KCNB2: variants seen among roughly 807,000 people sequenced by gnomAD.
KCNB2 encodes potassium voltage-gated channel subfamily B member 2, also known as delayed rectifier potassium channel protein.
KCNB2 carries 15 observed loss-of-function variants against 61.5 expected under a neutral mutation model. That is an observed-to-expected ratio of 0.24 (90% CI 0.16 to 0.38). The LOEUF (loss-of-function observed/expected upper bound fraction) is 0.38, where lower values mean the gene tolerates loss of function less well. Among genes scored for constraint, KCNB2 ranks in the 10% least tolerant of loss-of-function variants. KCNB2 has a pLI of 1.00. For synonymous variants in KCNB2, 457 were observed against 446.0 expected (o/e 1.02, Z -0.31); for missense variants, 828 against 1,125.2 (o/e 0.74, Z 3.78).
At chr8:72,650,801 G>A (rs1806199793) in intron 2 of KCNB2, among the ~76,000 whole-genome samples, 1 of 152,142 alleles carries the variant, frequency 6.6e-6, no homozygotes, top group Non-Finnish European at 1.5e-5. Flanking sequence ...TGCTTTCAAT[G>A]TCTGTAAGCT....
At chr8:72,572,490 A>T (rs1392829738) in intron 2 of KCNB2, among the ~76,000 whole-genome samples, 5 of 151,902 alleles carry the variant, frequency 3.3e-5, no homozygotes, top group Non-Finnish European at 5.9e-5. Flanking sequence ...CAATTTCCTC[A>T]TTAATCTGTA....
chr8:72,868,409 C>T (rs1805566052), intron 2 of KCNB2, among the ~76,000 whole-genome samples: 1 of 151,736 alleles, frequency 6.6e-6, no homozygotes, highest in South Asian at 2.1e-4. Flanking sequence ...GAAACCCCGT[C>T]TCTACTAAAA....
intron 2 of KCNB2, among the ~76,000 whole-genome samples, chr8:72,694,584 G>T (rs79195539): frequency 0.015 from 2,217 of 152,152 alleles, 55 homozygotes; most frequent in African/African-American, 0.049. Flanking sequence ...TTTTTAAAAA[G>T]TGTTCTCATA....
At chr8:72,539,114 T>C (rs1176698933) in intron 1 of KCNB2, among the ~76,000 whole-genome samples, 1 of 152,158 alleles carries the variant, frequency 6.6e-6, no homozygotes, top group Non-Finnish European at 1.5e-5. Context: ...TGTCCAAAGC[T>C]TAACGTAATA....
chr8:72,540,470 G>A (rs1806172761), intron 1 of KCNB2, among the ~76,000 whole-genome samples: 2 of 152,040 alleles, frequency 1.3e-5, no homozygotes, highest in African/African-American at 4.8e-5. Context: ...GGCATTATGT[G>A]TGATTTCTTT....
At chr8:72,743,338 A>G (rs1807998260) in intron 2 of KCNB2, among the ~76,000 whole-genome samples, 1 of 152,222 alleles carries the variant, frequency 6.6e-6, no homozygotes, top group South Asian at 2.1e-4. Flanking sequence ...TATGGCCCAG[A>G]GAGAAAACAC....
chr8:72,810,567 G>C (rs10957619), intron 2 of KCNB2, among the ~76,000 whole-genome samples: 2 of 151,982 alleles, frequency 1.3e-5, no homozygotes, highest in African/African-American at 4.8e-5. Flanking sequence ...TTCACTGCCA[G>C]TGTCCTTAAG....
intron 2 of KCNB2, among the ~76,000 whole-genome samples, chr8:72,616,874 G>C (rs1379854742): frequency 6.6e-6 from 1 of 152,178 alleles, no homozygotes; most frequent in Non-Finnish European, 1.5e-5. Context: ...TCTGTATTCT[G>C]TCCTTTGCCT....
At chr8:72,852,775 G>A (rs961386653) in intron 2 of KCNB2, among the ~76,000 whole-genome samples, 1 of 152,170 alleles carries the variant, frequency 6.6e-6, no homozygotes, top group Non-Finnish European at 1.5e-5. Context: ...CATTTTAGAA[G>A]TTTATAAAGT....
At chr8:72,775,010 A>T (rs914961327) in intron 2 of KCNB2, among the ~76,000 whole-genome samples, 2 of 152,204 alleles carry the variant, frequency 1.3e-5, no homozygotes, top group Non-Finnish European at 2.9e-5. Context: ...TCAGGATGTG[A>T]GAGAGGTGTC....
At chr8:72,703,566 G>A (rs1807169063) in intron 2 of KCNB2, among the ~76,000 whole-genome samples, 1 of 152,198 alleles carries the variant, frequency 6.6e-6, no homozygotes, top group South Asian at 2.1e-4. Context: ...GCTCTCTTCA[G>A]CCTCAGACAG....
At chr8:72,741,050 A>C (rs1807949649) in intron 2 of KCNB2, among the ~76,000 whole-genome samples, 1 of 152,220 alleles carries the variant, frequency 6.6e-6, no homozygotes, top group Non-Finnish European at 1.5e-5. Flanking sequence ...TACTAAAATG[A>C]AGAGTTTTCT....
intron 1 of KCNB2, among the ~76,000 whole-genome samples, chr8:72,561,785 A>ACG (rs1806538229): frequency 1.4e-5 from 1 of 72,508 alleles, no homozygotes; most frequent in African/African-American, 9.7e-5. Context: ...ATGGATATAT[A>ACG]TATACATATA....
intron 2 of KCNB2, among the ~76,000 whole-genome samples, chr8:72,686,844 T>C (rs1239984750): frequency 6.6e-6 from 1 of 152,222 alleles, no homozygotes; most frequent in Non-Finnish European, 1.5e-5. Flanking sequence ...AGATCAATAC[T>C]TAGAATTAAA....
At chr8:72,930,567 A>G (rs567325345) in intron 2 of KCNB2, among the ~76,000 whole-genome samples, 296 of 152,180 alleles carry the variant, frequency 1.9e-3, no homozygotes, top group African/African-American at 5.8e-3. Flanking sequence ...GCATTTTTTC[A>G]TGTGTCTGTT....
intron 2 of KCNB2, among the ~76,000 whole-genome samples, chr8:72,680,622 G>T (rs568069109): frequency 1.9e-4 from 29 of 152,272 alleles, no homozygotes; most frequent in African/African-American, 6.5e-4. Flanking sequence ...GAATGGGTTT[G>T]GGAGCTACCT....
chr8:72,743,116 G>A (rs1381513878), intron 2 of KCNB2, among the ~76,000 whole-genome samples: 2 of 152,142 alleles, frequency 1.3e-5, no homozygotes, highest in East Asian at 1.9e-4. Context: ...GTGAAACCAT[G>A]GATATGTCAC....
chr8:72,714,199 G>C (rs1351624820), intron 2 of KCNB2, among the ~76,000 whole-genome samples: 1 of 152,234 alleles, frequency 6.6e-6, no homozygotes, highest in Non-Finnish European at 1.5e-5. Context: ...GTACCTGAAA[G>C]TGATGGGGAG....
chr8:72,713,723 A>G (rs2128992055), intron 2 of KCNB2, among the ~76,000 whole-genome samples: 2 of 152,332 alleles, frequency 1.3e-5, no homozygotes, highest in South Asian at 4.1e-4. Flanking sequence ...AACAGAGCAG[A>G]AAAACCAGAA....
Sources: allele counts gnomAD v4.1 joint callset (sites outside exome capture counted in the v4.1 genomes callset), GRCh38; gene constraint gnomAD v4.1.1; transcripts MANE v1.5; gene names NCBI Gene and HGNC (gene_info 2026-07-23, HGNC 2026-07-21).